ELAVL4: variants seen among roughly 807,000 people sequenced by gnomAD.
The protein encoded by ELAVL4 is ELAV like RNA binding protein 4.
A neutral mutation model predicts 35.6 loss-of-function variants in ELAVL4; 1 was observed. The observed-to-expected ratio is 0.03, with a 90% confidence interval of 0.01 to 0.13. The LOEUF (loss-of-function observed/expected upper bound fraction) is 0.13, where lower values mean the gene tolerates loss of function less well. Ranked by LOEUF, ELAVL4 falls within the 10% of genes least tolerant of loss-of-function variation. ELAVL4 has a pLI of 1.00. For missense variants in ELAVL4, 267 were observed against 464.9 expected (o/e 0.57, Z 3.91); for synonymous variants, 156 against 171.0 (o/e 0.91, Z 0.69).
chr1:50,105,011 C>T (rs1192758719), upstream of ELAVL4, among the ~76,000 whole-genome samples: 1 of 152,200 alleles, frequency 6.6e-6, no homozygotes, highest in African/African-American at 2.4e-5. Context: ...ATGTGATTGG[C>T]TTGCTCTTGT....
At chr1:50,178,223 A>C (rs1680406796) in intron 3 of ELAVL4, among the ~76,000 whole-genome samples, 1 of 152,194 alleles carries the variant, frequency 6.6e-6, no homozygotes, top group African/African-American at 2.4e-5. Flanking sequence ...TCCTCACGAC[A>C]GCAGGTCTGA....
intron 1 of ELAVL4, among the ~76,000 whole-genome samples, chr1:50,067,088 AGGTTTT>A (rs2148483535): frequency 6.6e-6 from 1 of 152,256 alleles, no homozygotes; most frequent in East Asian, 1.9e-4. Flanking sequence ...TGTTTTTTAA[AGGTTTT>A]ATTCACTTTC....
chr1:50,158,805 C>G (rs946761197), intron 2 of ELAVL4, among the ~76,000 whole-genome samples: 7 of 152,114 alleles, frequency 4.6e-5, no homozygotes, highest in African/African-American at 1.7e-4. Context: ...CTTTGGGAGT[C>G]CAAGGCGGGT....
intron 1 of ELAVL4, among the ~76,000 whole-genome samples, chr1:50,121,925 G>A (rs561043558): frequency 1.3e-5 from 2 of 152,176 alleles, no homozygotes; most frequent in Admixed American, 6.6e-5. Flanking sequence ...AGTAGTGAAT[G>A]TGACCTAGAG....
intron 1 of ELAVL4, among the ~76,000 whole-genome samples, chr1:50,090,889 CT>C (rs1250718761): frequency 6.6e-6 from 1 of 152,156 alleles, no homozygotes; most frequent in Non-Finnish European, 1.5e-5. Context: ...TTGGCAGTCC[CT>C]GCACCGCAGT....
At chr1:50,193,600 T>G (rs1423040043) in intron 3 of ELAVL4, among the ~76,000 whole-genome samples, 165 bp from the exon 4 acceptor site, 1 of 152,168 alleles carries the variant, frequency 6.6e-6, no homozygotes, top group African/African-American at 2.4e-5. Flanking sequence ...CTCCTGGTTC[T>G]CATTACTATT....
upstream of ELAVL4, chr1:50,106,320 AG>A (rs1160006912): frequency 6.2e-7 from 1 of 1,613,636 alleles, no homozygotes; most frequent in Admixed American, 1.7e-5. Flanking sequence ...CATGGTGGCA[AG>A]GGGCTGACTG....
In ELAVL4 at chr1:50,050,219, T is replaced by C. The variant is rs571691352; in HGVS notation, c.18+2037T>C. 2.6e-4 allele frequency among the ~76,000 whole-genome samples: 40 copies of C among 152,366 alleles called. No homozygotes were observed. The South Asian group carries it at 5.0e-3, about 19-fold the overall frequency. On this transcript the variant is annotated intron_variant, in intron 1 of 6. Transcript: ENST00000448907. ...TTATATATGTACAGTGCCTGCCATA[T>C]GGGCATTCAGTAAATACTGCTATTA...
At chr1:50,092,206 A>G (rs962610361) in intron 1 of ELAVL4, among the ~76,000 whole-genome samples, 11 of 152,252 alleles carry the variant, frequency 7.2e-5, no homozygotes, top group African/African-American at 2.7e-4. Flanking sequence ...TGTGTGGGGA[A>G]GGGCCAGGAT....
chr1:50,116,836 A>AAC (rs1329363052), intron 1 of ELAVL4, among the ~76,000 whole-genome samples: 5 of 152,132 alleles, frequency 3.3e-5, no homozygotes, highest in Admixed American at 6.5e-5. Context: ...TAATGCAGCC[A>AAC]ACCACACATC....
chr1:50,085,534 G>C (rs941850421), intron 1 of ELAVL4, among the ~76,000 whole-genome samples: 2 of 152,198 alleles, frequency 1.3e-5, no homozygotes, highest in South Asian at 2.1e-4. Context: ...GCTAGGCCTA[G>C]AGGTAGCCAT....
In ELAVL4 at chr1:50,195,125, C is replaced by G. The variant is rs573160145; in HGVS notation, c.509-436C>G. The stretch of plus-strand genomic sequence containing the variant: ...AAGAATAGGTACTATGCACAAGGTA[C>G]AAAATTCAAAAAGTACAAAAGAGAT... On this transcript the variant is annotated intron_variant, in intron 4 of 6. Coordinates refer to ENST00000371824, the MANE Select transcript of ELAVL4 (RefSeq NM_001144774.3). 2.6e-5 allele frequency among the ~76,000 whole-genome samples: 4 copies of G among 152,122 alleles called. 1 individual carries two copies. Among genetic ancestry groups the G allele is most frequent in the Admixed American group, 2.6e-4 (4 of 15,296 alleles).
chr1:50,130,422 T>C (rs1317789794), intron 1 of ELAVL4, among the ~76,000 whole-genome samples: 1 of 152,140 alleles, frequency 6.6e-6, no homozygotes, highest in Non-Finnish European at 1.5e-5. Flanking sequence ...GGAATGACAA[T>C]ACCCACTTCT....
intron 2 of ELAVL4, among the ~76,000 whole-genome samples, chr1:50,164,388 C>CTTTTATAAAGG (rs1677366928): frequency 1.3e-5 from 2 of 152,134 alleles, no homozygotes; most frequent in African/African-American, 4.8e-5. Flanking sequence ...GAAAGTTATC[C>CTTTTATAAAGG]TTTTATAAAG....
intron 1 of ELAVL4, among the ~76,000 whole-genome samples, chr1:50,117,840 G>A (rs1355226005): frequency 6.6e-6 from 1 of 152,072 alleles, no homozygotes; most frequent in Non-Finnish European, 1.5e-5. Flanking sequence ...CATGCAAGAA[G>A]GGTGGCACAC....
upstream of ELAVL4, among the ~76,000 whole-genome samples, chr1:50,107,358 G>A (rs987870440): frequency 1.3e-5 from 2 of 152,220 alleles, no homozygotes; most frequent in Admixed American, 6.5e-5. Flanking sequence ...ATAGCTGAAC[G>A]TATTCATACT....
intron 1 of ELAVL4, chr1:50,109,743 A>C (rs913319193): frequency 1.3e-5 from 8 of 624,790 alleles, no homozygotes; most frequent in Non-Finnish European, 2.3e-5. Flanking sequence ...TAAATGCTGC[A>C]TCTTGTATTT....
chr1:50,082,617 C>A (rs1344858250), intron 1 of ELAVL4, among the ~76,000 whole-genome samples: 1 of 152,106 alleles, frequency 6.6e-6, no homozygotes, highest in East Asian at 1.9e-4. Flanking sequence ...TTCTCCTATT[C>A]TGTAAGTTGG....
intron 2 of ELAVL4, chr1:50,174,547 T>G (rs1352838177): frequency 1.3e-5 from 2 of 151,700 alleles, no homozygotes; most frequent in African/African-American, 2.4e-5. Flanking sequence ...ATGCAGTCTC[T>G]CTCTAAAGTT....
Sources: allele counts gnomAD v4.1 joint callset (sites outside exome capture counted in the v4.1 genomes callset), GRCh38; gene constraint gnomAD v4.1.1; transcripts MANE v1.5; gene names NCBI Gene and HGNC (gene_info 2026-07-23, HGNC 2026-07-21).